Variants in AUTS2 observed in about 807,000 individuals in gnomAD.
The protein encoded by AUTS2 is activator of transcription and developmental regulator AUTS2, also known as autism susceptibility gene 2 protein.
In AUTS2, 17 loss-of-function variants were observed where a neutral mutation model predicts 112.4. That is an observed-to-expected ratio of 0.15 (90% confidence interval 0.10 to 0.23). The LOEUF (loss-of-function observed/expected upper bound fraction) is 0.23. AUTS2 is among the 10% of genes least tolerant of loss of function. The probability of loss-of-function intolerance (pLI) is 1.00; values close to 1 mark genes in which losing one functional copy is unlikely to be tolerated. For missense variants in AUTS2, 1,510 were observed against 1,701.6 expected, an observed-to-expected ratio of 0.89 and a Z score of 1.98; for synonymous variants, 751 against 702.7, an observed-to-expected ratio of 1.07 and a Z score of -1.09.
chr7:70,690,884 C>T (rs1808720268), intron 5 of AUTS2, among the ~76,000 whole-genome samples: 1 of 152,092 alleles, frequency 6.6e-6, no homozygotes, highest in Non-Finnish European at 1.5e-5. Flanking sequence ...TTGCTTTAGC[C>T]CAGGAGTTCC....
At chr7:69,935,428 A>G (rs558993346) in intron 2 of AUTS2, among the ~76,000 whole-genome samples, 12 of 152,270 alleles carry the variant, frequency 7.9e-5, no homozygotes, top group African/African-American at 2.9e-4. Context: ...TTTAGGAAGC[A>G]TTATTCTGGT....
chr7:70,500,183 AAAAAC>A (rs1351019298), intron 5 of AUTS2, among the ~76,000 whole-genome samples: 1 of 151,862 alleles, frequency 6.6e-6, no homozygotes, highest in African/African-American at 2.4e-5. Context: ...AAAAAAAAAA[AAAAAC>A]AAAACAAAAA....
chr7:69,993,462 G>A (rs1193661711), intron 2 of AUTS2, among the ~76,000 whole-genome samples: 3 of 152,234 alleles, frequency 2.0e-5, no homozygotes, highest in Non-Finnish European at 4.4e-5. Flanking sequence ...TTGAATATAT[G>A]TTACTAGGCT....
At chr7:70,583,103 C>T (rs1417972157) in intron 5 of AUTS2, among the ~76,000 whole-genome samples, 3 of 152,180 alleles carry the variant, frequency 2.0e-5, no homozygotes, top group Non-Finnish European at 4.4e-5. Context: ...CTTGGGGCCG[C>T]CCCTGGCTGG....
chr7:69,844,841 T>TAA, intron 1 of AUTS2, among the ~76,000 whole-genome samples: 1 of 152,214 alleles, frequency 6.6e-6, no homozygotes, highest in East Asian at 1.9e-4. Context: ...TTGTGTTACA[T>TAA]ACTACCTAAC....
At chr7:69,728,680 C>CTTTTT (rs5884765) in intron 1 of AUTS2, among the ~76,000 whole-genome samples, 1 of 128,726 alleles carries the variant, frequency 7.8e-6, no homozygotes, top group African/African-American at 2.9e-5. Context: ...TTGCTTGTGG[C>CTTTTT]TTTTTTTTTT....
intron 1 of AUTS2, among the ~76,000 whole-genome samples, chr7:69,767,338 G>A (rs1203143164): frequency 6.6e-6 from 1 of 151,944 alleles, no homozygotes; most frequent in Non-Finnish European, 1.5e-5. Context: ...AACCATGCCT[G>A]GCTAATTTTT....
intron 5 of AUTS2, among the ~76,000 whole-genome samples, chr7:70,514,110 T>A (rs1258274222): frequency 2.6e-5 from 4 of 152,258 alleles, no homozygotes; most frequent in East Asian, 1.9e-4. Flanking sequence ...TTTATCTATA[T>A]GAGATAGAGC....
At chr7:69,663,966 A>T (rs913885055) in intron 1 of AUTS2, among the ~76,000 whole-genome samples, 15 of 152,206 alleles carry the variant, frequency 9.9e-5, no homozygotes, top group African/African-American at 3.1e-4. Flanking sequence ...TTTGTTTTAG[A>T]CATTTAAACT....
rs192840112 is a variant in AUTS2 at position 69,938,775 on chromosome 7, T to C, written c.522+39277T>C. 2.0e-5 allele frequency among the ~76,000 whole-genome samples: 3 copies of C among 152,224 alleles called. No homozygotes were observed. In the East Asian group the frequency reaches 5.8e-4, roughly 29 times the overall value. On this transcript the variant is annotated intron_variant, in intron 2 of 18. Coordinates refer to ENST00000342771, the MANE Select transcript of AUTS2 (RefSeq NM_015570.4). ...AGCCTGGAAGCTGCAGAAAAGAACG[T>C]AGGCTAAGAAACAAGATCAATTATA...
intron 4 of AUTS2, among the ~76,000 whole-genome samples, chr7:70,296,111 A>G (rs1020011712): frequency 6.6e-6 from 1 of 152,168 alleles, no homozygotes; most frequent in Admixed American, 6.5e-5. Flanking sequence ...GGAGACTAGA[A>G]CCCATTTCTA....
At chr7:70,666,412 C>T (rs1274790526) in intron 5 of AUTS2, among the ~76,000 whole-genome samples, 1 of 152,142 alleles carries the variant, frequency 6.6e-6, no homozygotes, top group Non-Finnish European at 1.5e-5. Flanking sequence ...GAAATCGGTT[C>T]TGGAAGGGAG....
intron 1 of AUTS2, among the ~76,000 whole-genome samples, chr7:69,896,560 A>G (rs781204383): frequency 9.9e-5 from 15 of 151,342 alleles, no homozygotes; most frequent in African/African-American, 3.4e-4. Context: ...TCCTGCTTCT[A>G]TCACCCTTTC....
chr7:69,895,904 A>C (rs1191994932), intron 1 of AUTS2, among the ~76,000 whole-genome samples: 3 of 152,212 alleles, frequency 2.0e-5, no homozygotes, highest in Admixed American at 2.0e-4. Context: ...TTGTTTATTA[A>C]TCTGATCCTC....
chr7:70,543,649 G>A (rs1800648571), intron 5 of AUTS2, among the ~76,000 whole-genome samples: 1 of 152,100 alleles, frequency 6.6e-6, no homozygotes, highest in Admixed American at 6.6e-5. Flanking sequence ...GCAGTTTGTT[G>A]CCTGTCCCGT....
At position 70,639,496 on chromosome 7, in the gene AUTS2, G is replaced by A. The variant is rs367877167; in HGVS notation, c.691-59073G>A. ...GGCAGGTGTGTGGTGCGTGCCTGTG[G>A]TCTCAGCTACTGGGGGGGTGGTGAG... On this transcript the variant is annotated intron_variant, in intron 5 of 18. Coordinates refer to ENST00000342771, the MANE Select transcript of AUTS2 (RefSeq NM_015570.4). Among the ~76,000 whole-genome samples, 8 of 150,752 alleles carry A rather than the reference G, an allele frequency of 5.3e-5. No homozygotes were observed. In the East Asian group the frequency reaches 7.8e-4, roughly 15 times the overall value.
At chr7:70,375,140 G>T (rs1462353776) in intron 4 of AUTS2, among the ~76,000 whole-genome samples, 1 of 152,132 alleles carries the variant, frequency 6.6e-6, no homozygotes, top group Non-Finnish European at 1.5e-5. Context: ...CAGAGGGAGG[G>T]TTTATCCAAA....
At chr7:70,161,792 A>ATT (rs1808087749) in intron 4 of AUTS2, among the ~76,000 whole-genome samples, 1 of 152,042 alleles carries the variant, frequency 6.6e-6, no homozygotes, top group Non-Finnish European at 1.5e-5. Flanking sequence ...CCCAGTGGGT[A>ATT]ACACTCCATA....
intron 1 of AUTS2, among the ~76,000 whole-genome samples, chr7:69,709,196 A>G (rs1015254915): frequency 2.0e-5 from 3 of 152,226 alleles, no homozygotes; most frequent in Admixed American, 6.5e-5. Flanking sequence ...AGAGGTTTAG[A>G]AAACTCCTTT....
Sources: gnomAD v4.1 joint callset for allele counts (sites outside exome capture counted in the v4.1 genomes callset) on GRCh38, gnomAD v4.1.1 for gene constraint, MANE v1.5 for transcripts, NCBI Gene and HGNC (gene_info 2026-07-23, HGNC 2026-07-21) for gene names.